The following CYTH3 variants were observed in gnomAD, a reference collection of about 807,000 sequenced individuals.
CYTH3 encodes the protein cytohesin-3.
A neutral mutation model predicts 55.1 loss-of-function variants in CYTH3; 23 were observed. That is an observed-to-expected ratio of 0.42 (90% confidence interval 0.30 to 0.59). The LOEUF is 0.59. Ranked by LOEUF, CYTH3 falls within the 20% of genes least tolerant of loss-of-function variation. CYTH3 has a pLI of 0.20. For synonymous variants in CYTH3, 249 were observed against 194.9 expected (o/e 1.28, Z -2.31); for missense variants, 413 against 524.8 (o/e 0.79, Z 2.08).
chr7:6,190,521 G>A lies in CYTH3; in HGVS notation c.45C>T (p.Asp15=), dbSNP rs1386214937. Residue 15 remains aspartate (D), a synonymous_variant, in exon 2 of 13, where the codon GAC becomes GAT. Transcript: ENST00000350796. ...GGGEGGGVPE[D]LSLEEREELL... ...GTTCTTCTCTCTCTTCTAATGAGAG[G>A]TCTTCAGGCACTGAAAGAAGAAAAA... The A allele has an allele frequency of 2.0e-6, 3 of 1,510,772 alleles. No homozygotes were observed. Among genetic ancestry groups the A allele is most frequent in the East Asian group, 2.5e-5 (1 of 40,796 alleles). The allele number at this position is 1,510,772 out of a possible 1,614,324, so 93.6% of individuals were successfully genotyped here.
At chr7:6,185,549 A>C (rs548778031) in intron 4 of CYTH3, among the ~76,000 whole-genome samples, 88 of 151,980 alleles carry the variant, frequency 5.8e-4, no homozygotes, top group Non-Finnish European at 9.6e-4. Context: ...AAATACAAAA[A>C]ATTAGCCGGG....
chr7:6,166,932 G>A lies in CYTH3; in HGVS notation c.824-1122C>T, dbSNP rs117616466. Among the ~76,000 whole-genome samples the A allele has an allele frequency of 8.4e-4, 128 of 152,260 alleles. 2 individuals are homozygous for A. In the East Asian group the frequency reaches 0.019, roughly 23 times the overall value. On this transcript the variant is annotated intron_variant, in intron 9 of 12. Coordinates refer to ENST00000350796, the MANE Select transcript of CYTH3 (RefSeq NM_004227.4). ...GTCCCACCAGCCTACCTGTTAAAGG[G>A]TCTGTCTAGACCCTGGTCTGGGCAA... is the stretch of plus-strand genomic sequence containing the variant.
In CYTH3 at chr7:6,272,493, G is replaced by C; in HGVS notation, c.15C>G (p.Gly5=). ...ACTCACCGCCACCACCCTCGCCGCC[G>C]CCGTCTTCATCCATCTTGAGGCCAC... MDED[G]GGEGGGVPED... The change falls in exon 1 of 13, where the codon GGC becomes GGG. Residue 5 remains glycine (G), a synonymous_variant. Transcript: ENST00000350796. 7.4e-7 allele frequency: 1 copy of C among 1,360,410 alleles called. No individual in the cohort carries two copies. Among genetic ancestry groups the C allele is most frequent in the Non-Finnish European group, 9.6e-7 (1 of 1,046,590 alleles). 84.3% of individuals were successfully genotyped at this position (1,360,410 alleles called of 1,614,324 possible). A position where few individuals can be genotyped will look rare whatever the true frequency, so the allele number is the denominator to read the frequency against.
Position 6,170,663 on chromosome 7 carries a change from C to A in CYTH3, c.712-17G>T. 1 of 1,610,290 alleles carries A rather than the reference C, an allele frequency of 6.2e-7. No individual in the cohort carries two copies. Among genetic ancestry groups the A allele is most frequent in the South Asian group, 1.1e-5 (1 of 90,572 alleles). ...ATACAAATTCTGCAAGGAGGGAAAA[C>A]AGCAGCCAGTTCAGAGACTCGGAGG... On this transcript the variant is annotated splice_polypyrimidine_tract_variant and intron_variant, in intron 8 of 12. Coordinates refer to ENST00000350796, the MANE Select transcript of CYTH3 (RefSeq NM_004227.4). This position sits in a 1 kb window ranked among gnomAD's most constrained non-coding sequence, Gnocchi z 7.8.
chr7:6,236,696 G>A (rs993459649), intron 1 of CYTH3, among the ~76,000 whole-genome samples: 2 of 151,974 alleles, frequency 1.3e-5, no homozygotes, highest in African/African-American at 2.4e-5. Flanking sequence ...TGAGTAACTG[G>A]GATTACAGGC....
At chr7:6,243,900 G>A (rs1420233496) in intron 1 of CYTH3, among the ~76,000 whole-genome samples, 1 of 152,280 alleles carries the variant, frequency 6.6e-6, no homozygotes, top group East Asian at 1.9e-4. Flanking sequence ...TTTTTAAAAA[G>A]ATTTCATTGT....
intron 1 of CYTH3, among the ~76,000 whole-genome samples, chr7:6,238,469 T>A (rs1032287516): frequency 2.0e-5 from 3 of 152,202 alleles, no homozygotes; most frequent in African/African-American, 7.2e-5. Flanking sequence ...CTTAGTAAAG[T>A]ACACTAAGCT....
chr7:6,222,423 A>G lies in CYTH3; in HGVS notation c.35-31892T>C, dbSNP rs1295946363. ...ATTAACATTTTAACATACAGAGAAG[A>G]ATCCCAGGCAAATGTTACTCTCAAC... On this transcript the variant is annotated intron_variant, in intron 1 of 12. Coordinates refer to ENST00000350796, the MANE Select transcript of CYTH3 (RefSeq NM_004227.4). Among the ~76,000 whole-genome samples, 4 of 152,170 alleles carry G rather than the reference A, an allele frequency of 2.6e-5. No homozygotes were observed. In the South Asian group the frequency reaches 8.3e-4, roughly 31 times the overall value.
At chr7:6,260,447 C>T (rs899552207) in intron 1 of CYTH3, among the ~76,000 whole-genome samples, 5 of 145,892 alleles carry the variant, frequency 3.4e-5, no homozygotes, top group Non-Finnish European at 7.6e-5. Flanking sequence ...GCCACTCAGG[C>T]TTCCCCTCTA....
intron 4 of CYTH3, among the ~76,000 whole-genome samples, chr7:6,180,256 C>T (rs1297212442): frequency 6.6e-6 from 1 of 152,180 alleles, no homozygotes; most frequent in South Asian, 2.1e-4. Flanking sequence ...CATGAGGCTC[C>T]CATGCCTTCC....
In CYTH3 at chr7:6,165,828, C is replaced by CCGTG. The variant is rs1782983385; in HGVS notation, c.824-22_824-19dup. On this transcript the variant is annotated intron_variant, in intron 9 of 12. Coordinates refer to ENST00000350796, the MANE Select transcript of CYTH3 (RefSeq NM_004227.4). ...ACGCCCTCCTAGAAGCAGAAGGGCC[C>CCGTG]CGTGAGTCTGCGCTCCGTGCACAGG... 1 of 1,613,558 alleles carries CCGTG rather than the reference C, an allele frequency of 6.2e-7. No homozygotes were observed. The highest frequency in any genetic ancestry group is 8.5e-7 in the Non-Finnish European group (1 of 1,179,720).
intron 4 of CYTH3, among the ~76,000 whole-genome samples, chr7:6,186,822 G>A (rs1044463049): frequency 6.6e-6 from 1 of 152,178 alleles, no homozygotes; most frequent in African/African-American, 2.4e-5. Context: ...TCACCCAGCA[G>A]CTCACTCTGA....
At chr7:6,269,177 A>C (rs1002513352) in intron 1 of CYTH3, among the ~76,000 whole-genome samples, 19 of 152,164 alleles carry the variant, frequency 1.2e-4, no homozygotes, top group African/African-American at 4.6e-4. Flanking sequence ...GAGTCCCTGC[A>C]GGGAAAGGGC....
chr7:6,248,354 G>A (rs1275390722), intron 1 of CYTH3, among the ~76,000 whole-genome samples: 4 of 151,640 alleles, frequency 2.6e-5, no homozygotes, highest in African/African-American at 9.7e-5. Context: ...GCTGGAGGAT[G>A]CATATATAAA....
chr7:6,206,901 C>T (rs1000821315), intron 1 of CYTH3, among the ~76,000 whole-genome samples: 1 of 151,916 alleles, frequency 6.6e-6, no homozygotes, highest in Non-Finnish European at 1.5e-5. Flanking sequence ...ACGGGGGAGA[C>T]GATTTTTTTC....
chr7:6,246,101 G>C (rs1467475128), intron 1 of CYTH3, among the ~76,000 whole-genome samples: 1 of 150,952 alleles, frequency 6.6e-6, no homozygotes, highest in African/African-American at 2.4e-5. Flanking sequence ...TAACTTTTTT[G>C]AGACAGTCTT....
At chr7:6,212,237 C>T (rs1784335073) in intron 1 of CYTH3, among the ~76,000 whole-genome samples, 1 of 152,206 alleles carries the variant, frequency 6.6e-6, no homozygotes, top group Admixed American at 6.5e-5. Flanking sequence ...CTCATGCAGT[C>T]ATTCTGCCTT....
intron 1 of CYTH3, among the ~76,000 whole-genome samples, chr7:6,222,545 G>C (rs1043542540): frequency 3.3e-5 from 5 of 152,106 alleles, no homozygotes; most frequent in African/African-American, 4.8e-5. Flanking sequence ...AGGAGATGGA[G>C]ACCATCCTGG....
At chr7:6,211,761 G>A (rs1453927274) in intron 1 of CYTH3, among the ~76,000 whole-genome samples, 1 of 152,154 alleles carries the variant, frequency 6.6e-6, no homozygotes, top group Non-Finnish European at 1.5e-5. Context: ...ACTTTGGGAG[G>A]CTGAGGCGGG....
Sources: allele counts gnomAD v4.1 joint callset (sites outside exome capture counted in the v4.1 genomes callset), GRCh38; gene constraint gnomAD v4.1.1; non-coding constraint Gnocchi (gnomAD v3.1); transcripts MANE v1.5; gene names NCBI Gene and HGNC (gene_info 2026-07-23, HGNC 2026-07-21).